The following SHISA9 variants were observed in gnomAD, a reference collection of about 807,000 sequenced individuals.
The protein encoded by SHISA9 is shisa family member 9, also known as protein shisa-9.
A neutral mutation model predicts 38.0 loss-of-function variants in SHISA9; 13 were observed. The observed-to-expected ratio is 0.34, with a 90% CI of 0.22 to 0.54. SHISA9 has a LOEUF of 0.54. Among genes scored for constraint, SHISA9 ranks in the 20% least tolerant of loss-of-function variants. The pLI, the probability that SHISA9 is intolerant of heterozygous loss-of-function variation, is 0.91. For synonymous variants in SHISA9, 275 were observed against 242.0 expected (o/e 1.14, Z -1.27); for missense variants, 538 against 575.8 (o/e 0.93, Z 0.67).
At chr16:13,088,621 T>G (rs1393470760) in intron 2 of SHISA9, among the ~76,000 whole-genome samples, 1 of 152,210 alleles carries the variant, frequency 6.6e-6, no homozygotes, top group Non-Finnish European at 1.5e-5. Context: ...TGTCTGTTAA[T>G]GGTGTATAGG....
the SHISA9 span, among the ~76,000 whole-genome samples, chr16:13,463,779 T>C: frequency 6.6e-6 from 1 of 152,334 alleles, no homozygotes; most frequent in South Asian, 2.1e-4. Context: ...AGGCAAAGAA[T>C]TGATTCCCGT....
chr16:13,535,165 G>A, the SHISA9 span, among the ~76,000 whole-genome samples: 3 of 152,150 alleles, frequency 2.0e-5, no homozygotes, highest in African/African-American at 7.2e-5. Context: ...AGAATTGGTT[G>A]AACCCAGGAG....
chr16:13,130,001 T>C (rs1283934536), intron 2 of SHISA9, among the ~76,000 whole-genome samples: 2 of 152,192 alleles, frequency 1.3e-5, no homozygotes, highest in Non-Finnish European at 2.9e-5. Flanking sequence ...TTAGTAGCAG[T>C]CATTGTAATG....
At chr16:13,526,896 A>C in the SHISA9 span, among the ~76,000 whole-genome samples, 1 of 152,194 alleles carries the variant, frequency 6.6e-6, no homozygotes, top group Admixed American at 6.5e-5. Context: ...TAAAGGAAGG[A>C]GAAAAAGTCC....
At chr16:13,073,036 C>T (rs974490285) in intron 2 of SHISA9, among the ~76,000 whole-genome samples, 5 of 152,142 alleles carry the variant, frequency 3.3e-5, no homozygotes, top group Non-Finnish European at 5.9e-5. Context: ...AGTGATCCTC[C>T]TGTCTTGGCC....
At chr16:13,498,739 A>G in the SHISA9 span, among the ~76,000 whole-genome samples, 17 of 152,326 alleles carry the variant, frequency 1.1e-4, no homozygotes, top group East Asian at 3.3e-3. Context: ...CCTGGGTGAC[A>G]GAGTGAGACT....
intron 2 of SHISA9, among the ~76,000 whole-genome samples, chr16:12,941,282 C>T (rs982689311): frequency 2.6e-5 from 4 of 152,132 alleles, no homozygotes; most frequent in African/African-American, 2.4e-5. Flanking sequence ...ACCCAGGAGG[C>T]GGAGGCTACA....
the SHISA9 span, among the ~76,000 whole-genome samples, chr16:13,464,838 C>G: frequency 1.1e-3 from 170 of 151,948 alleles, no homozygotes; most frequent in African/African-American, 3.8e-3. Context: ...CACCCCCCAC[C>G]TTTTACAGTT....
chr16:12,962,516 G>A (rs565686123), intron 2 of SHISA9, among the ~76,000 whole-genome samples: 2 of 152,310 alleles, frequency 1.3e-5, no homozygotes, highest in South Asian at 4.1e-4. Context: ...TATCATGAGG[G>A]TGGAGCTCCC....
At chr16:13,228,423 T>G (rs2819641) in intron 4 of SHISA9, among the ~76,000 whole-genome samples, 1 of 152,072 alleles carries the variant, frequency 6.6e-6, no homozygotes, top group African/African-American at 2.4e-5. Flanking sequence ...GGGGACATCA[T>G]GTATTGAAGC....
Position 13,055,469 on chromosome 16 carries a change from TTC to T in SHISA9, c.691+138660_691+138661del, listed in dbSNP as rs201202717. Reference sequence around the variant, plus strand: ...TATTTGGGGTTGAATGAATGGCTCCTTCTCTCTATTTCTGTACCCCAAAGACT... The same window carrying T: ...TATTTGGGGTTGAATGAATGGCTCCTTCTCTATTTCTGTACCCCAAAGACT... On this transcript the variant is annotated intron_variant, in intron 2 of 4. Coordinates refer to ENST00000558583, the MANE Select transcript of SHISA9 (RefSeq NM_001145204.3). Among the ~76,000 whole-genome samples, 1,255 of 152,308 alleles carry T rather than the reference TTC, an allele frequency of 8.2e-3. 18 individuals carry two copies. The highest frequency in any genetic ancestry group is 0.011 in the Non-Finnish European group (719 of 68,018).
Position 13,151,104 on chromosome 16 carries a change from C to CTTTTAT in SHISA9, c.692-52274_692-52269dup, listed in dbSNP as rs140476343. ...GATAACTAAGAGTGGCACCTGGTCA[C>CTTTTAT]TTTTATTTTTATTTTTATTTTAGAT... On this transcript the variant is annotated intron_variant, in intron 2 of 4. Coordinates refer to ENST00000558583, the MANE Select transcript of SHISA9 (RefSeq NM_001145204.3). Among the ~76,000 whole-genome samples the CTTTTAT allele has an allele frequency of 3.9e-4, 60 of 152,048 alleles. 1 individual carries two copies. The highest frequency in any genetic ancestry group is 6.8e-3 in the Middle Eastern group (2 of 294).
chr16:12,944,197 G>T (rs12928704), intron 2 of SHISA9, among the ~76,000 whole-genome samples: 48,550 of 152,044 alleles, frequency 0.32, 7,995 homozygotes, highest in Middle Eastern at 0.43. Context: ...TGTGTGACTT[G>T]GTCACTGTTT....
At chr16:13,199,680 C>T (rs984417096) in intron 2 of SHISA9, among the ~76,000 whole-genome samples, 1 of 152,124 alleles carries the variant, frequency 6.6e-6, no homozygotes, top group African/African-American at 2.4e-5. Context: ...TGTTTGACTC[C>T]AATGGTTCCA....
intron 2 of SHISA9, among the ~76,000 whole-genome samples, chr16:12,926,894 A>C (rs563969603): frequency 8.5e-5 from 13 of 152,254 alleles, no homozygotes; most frequent in Non-Finnish European, 1.9e-4. Context: ...GGTCTGATTA[A>C]TTTTGTACAA....
At chr16:13,162,283 T>C (rs552288989) in intron 2 of SHISA9, among the ~76,000 whole-genome samples, 1 of 152,262 alleles carries the variant, frequency 6.6e-6, no homozygotes, top group Non-Finnish European at 1.5e-5. Context: ...TTTGAGTTTT[T>C]AGGATTTATG....
the SHISA9 span, among the ~76,000 whole-genome samples, chr16:13,245,805 T>C: frequency 6.6e-6 from 1 of 152,166 alleles, no homozygotes; most frequent in Non-Finnish European, 1.5e-5. Context: ...AGACCGACTT[T>C]GGAGTAGATC....
chr16:13,434,419 G>GTTTTTTTTTTTTTGTTT, the SHISA9 span, among the ~76,000 whole-genome samples: 20 of 64,556 alleles, frequency 3.1e-4, 2 homozygotes, highest in Admixed American at 9.3e-4. Context: ...GACAAGCTAT[G>GTTTTTTTTTTTTTGTTT]TTTTTTTTTT....
At chr16:13,101,545 G>T (rs969238451) in intron 2 of SHISA9, among the ~76,000 whole-genome samples, 2 of 152,216 alleles carry the variant, frequency 1.3e-5, no homozygotes, top group Non-Finnish European at 2.9e-5. Context: ...CAATCATGTT[G>T]TGTTTGGGTT....
Sources: gnomAD v4.1 joint callset for allele counts (sites outside exome capture counted in the v4.1 genomes callset) on GRCh38, gnomAD v4.1.1 for gene constraint, MANE v1.5 for transcripts, NCBI Gene and HGNC (gene_info 2026-07-23, HGNC 2026-07-21) for gene names.